The following AKAP19 variants were observed in gnomAD, a reference collection of about 807,000 sequenced individuals.
AKAP19 encodes A-kinase anchoring protein 19.
the AKAP19 span, among the ~76,000 whole-genome samples, chr2:190,097,445 T>A: frequency 6.6e-6 from 1 of 152,170 alleles, no homozygotes; most frequent in Non-Finnish European, 1.5e-5. Context: ...TTTCTTAAAA[T>A]GAGAAAACAA....
the AKAP19 span, among the ~76,000 whole-genome samples, chr2:189,916,608 C>T: frequency 3.9e-5 from 6 of 152,140 alleles, no homozygotes; most frequent in South Asian, 2.1e-4. Flanking sequence ...AGGTGTAAGC[C>T]ACTGCGCCCA....
chr2:190,092,800 C>T, the AKAP19 span, among the ~76,000 whole-genome samples: 2 of 152,068 alleles, frequency 1.3e-5, no homozygotes, highest in African/African-American at 2.4e-5. Flanking sequence ...TCGGTCTGAT[C>T]TGTGAAAAAT....
At chr2:189,980,724 A>T in the AKAP19 span, among the ~76,000 whole-genome samples, 1 of 152,192 alleles carries the variant, frequency 6.6e-6, no homozygotes, top group Non-Finnish European at 1.5e-5. Flanking sequence ...ATCCATTTAT[A>T]AGTTCCAGGG....
chr2:190,001,601 C>T, the AKAP19 span, among the ~76,000 whole-genome samples: 1 of 152,114 alleles, frequency 6.6e-6, no homozygotes, highest in Non-Finnish European at 1.5e-5. Context: ...TTTCTAGGAA[C>T]TCCCCATCAT....
chr2:190,178,010 C>G, the AKAP19 span, among the ~76,000 whole-genome samples: 1 of 152,186 alleles, frequency 6.6e-6, no homozygotes, highest in Non-Finnish European at 1.5e-5. The surrounding 1 kb of genome is among the most constrained non-coding windows in gnomAD (Gnocchi z 6.3). Context: ...TCGCTGGGTC[C>G]TTCGTCACCC....
At chr2:190,191,636 C>G in the AKAP19 span, among the ~76,000 whole-genome samples, 1 of 152,178 alleles carries the variant, frequency 6.6e-6, no homozygotes, top group African/African-American at 2.4e-5. Flanking sequence ...TGCACCAGCA[C>G]TTGGTATTAT....
chr2:190,062,218 A>T, the AKAP19 span: 1 of 1,612,736 alleles, frequency 6.2e-7, no homozygotes. Context: ...TAATAGGACT[A>T]CTTACACTCT....
the AKAP19 span, among the ~76,000 whole-genome samples, chr2:190,058,501 T>A: frequency 1.3e-5 from 2 of 151,954 alleles, no homozygotes; most frequent in African/African-American, 4.8e-5. Context: ...GTAGCATATA[T>A]AAAGGAAACT....
chr2:189,994,194 T>C, the AKAP19 span, among the ~76,000 whole-genome samples: 11 of 152,142 alleles, frequency 7.2e-5, no homozygotes, highest in South Asian at 2.1e-3. Flanking sequence ...GTATTTTTAG[T>C]AGAGACAGGG....
the AKAP19 span, chr2:190,057,277 TCTA>T: frequency 6.2e-7 from 1 of 1,613,334 alleles, no homozygotes; most frequent in Non-Finnish European, 8.5e-7. Flanking sequence ...CCCACAGCGG[TCTA>T]CTACCATCGC....
chr2:190,142,731 G>C, the AKAP19 span, among the ~76,000 whole-genome samples: 4 of 152,228 alleles, frequency 2.6e-5, no homozygotes, highest in Non-Finnish European at 5.9e-5. Context: ...CCCAAATGCT[G>C]GTGGGACCTT....
the AKAP19 span, among the ~76,000 whole-genome samples, chr2:189,965,060 C>T: frequency 6.6e-6 from 1 of 152,150 alleles, no homozygotes; most frequent in East Asian, 1.9e-4. Flanking sequence ...AAGTGAGAGA[C>T]ATGCAACTCT....
the AKAP19 span, among the ~76,000 whole-genome samples, chr2:189,896,450 T>C: frequency 3.2e-4 from 48 of 152,316 alleles, no homozygotes; most frequent in African/African-American, 1.1e-3. Flanking sequence ...TATTCCTGTC[T>C]CTGTACTTTT....
the AKAP19 span, among the ~76,000 whole-genome samples, chr2:189,963,005 T>C: frequency 6.6e-6 from 1 of 152,152 alleles, no homozygotes; most frequent in Admixed American, 6.5e-5. Context: ...GCCCTGTTAC[T>C]ACTTTATCAA....
At chr2:190,188,577 T>C in the AKAP19 span, among the ~76,000 whole-genome samples, 1 of 152,190 alleles carries the variant, frequency 6.6e-6, no homozygotes, top group African/African-American at 2.4e-5. Context: ...ATGGCTAACA[T>C]TGTTGAAACT....
the AKAP19 span, among the ~76,000 whole-genome samples, chr2:189,968,263 G>A: frequency 6.6e-6 from 1 of 152,052 alleles, no homozygotes; most frequent in Admixed American, 6.6e-5. Context: ...GTAGAGACAG[G>A]GTCTTGTCCT....
chr2:189,936,127 A>G, the AKAP19 span, among the ~76,000 whole-genome samples: 44 of 152,100 alleles, frequency 2.9e-4, no homozygotes, highest in South Asian at 6.2e-4. Flanking sequence ...TCTATACAGG[A>G]GTAATATTGA....
At chr2:190,123,415 G>A in the AKAP19 span, among the ~76,000 whole-genome samples, 2 of 152,080 alleles carry the variant, frequency 1.3e-5, no homozygotes, top group Non-Finnish European at 2.9e-5. Context: ...GGCAAAGCTT[G>A]ATATTTAGGT....
the AKAP19 span, among the ~76,000 whole-genome samples, chr2:189,972,268 G>A: frequency 2.0e-5 from 3 of 152,056 alleles, no homozygotes; most frequent in Non-Finnish European, 4.4e-5. Context: ...TTTTTGTCAG[G>A]TTTGTCAAAG....
Sources: allele counts gnomAD v4.1 joint callset (sites outside exome capture counted in the v4.1 genomes callset), GRCh38; gene constraint gnomAD v4.1.1; non-coding constraint Gnocchi (gnomAD v3.1); transcripts MANE v1.5; gene names NCBI Gene and HGNC (gene_info 2026-07-23, HGNC 2026-07-21).